Variants in TLN2 observed in about 807,000 individuals in gnomAD.
The protein encoded by TLN2 is talin-2.
TLN2 carries 118 observed loss-of-function variants against 294.7 expected under a neutral mutation model. That is an observed-to-expected ratio of 0.40 (90% CI 0.34 to 0.47). The LOEUF is 0.47. TLN2 is among the 20% of genes least tolerant of loss of function. TLN2 has a pLI of 0.84. For synonymous variants in TLN2, 1,431 were observed against 1,304.5 expected (o/e 1.10, Z -2.09); for missense variants, 3,083 against 3,282.2 (o/e 0.94, Z 1.48).
chr15:62,458,425 G>A (rs1400223195), intron 1 of TLN2, among the ~76,000 whole-genome samples: 1 of 151,996 alleles, frequency 6.6e-6, no homozygotes, highest in East Asian at 1.9e-4. Flanking sequence ...AATGAGAGAT[G>A]GCACATTGAT....
chr15:62,656,281 C>A (rs896443542), intron 8 of TLN2, among the ~76,000 whole-genome samples, 195 bp downstream of exon 8: 1 of 152,164 alleles, frequency 6.6e-6, no homozygotes, highest in Non-Finnish European at 1.5e-5. Flanking sequence ...GCTGACCATC[C>A]GGAGTAGGGC....
At chr15:62,573,804 A>C (rs2044144201) in intron 1 of TLN2, among the ~76,000 whole-genome samples, 3 of 148,258 alleles carry the variant, frequency 2.0e-5, no homozygotes, top group Non-Finnish European at 4.5e-5. Flanking sequence ...CAACAGAAGG[A>C]GCCCTCCCCA....
intron 3 of TLN2, among the ~76,000 whole-genome samples, chr15:62,622,033 G>A (rs1596371436): frequency 6.6e-6 from 1 of 151,780 alleles, no homozygotes; most frequent in Admixed American, 6.6e-5. Flanking sequence ...ATCCTTCCCC[G>A]GCAGTGCCAT....
At chr15:62,811,974 T>C (rs944332170) in intron 52 of TLN2, among the ~76,000 whole-genome samples, 5 of 151,546 alleles carry the variant, frequency 3.3e-5, no homozygotes, top group Non-Finnish European at 7.4e-5. Flanking sequence ...ATCACACCAC[T>C]GCACTCCAGC....
In TLN2 at chr15:62,800,676, GCTCCTCA is replaced by G; in HGVS notation, c.6385_6391del (p.Leu2129ArgfsTer3). On this transcript the variant is annotated frameshift_variant, in exon 50 of 59. Transcript: ENST00000636159. LOFTEE classifies it high-confidence loss of function. Reference sequence around the variant, plus strand: ...AGGTGATGGTGACCAATGTCACCTCGCTCCTCAAGACTGTAAAGGCAGTGGAGGATGA... The same window carrying G: ...AGGTGATGGTGACCAATGTCACCTCGAGACTGTAAAGGCAGTGGAGGATGA... 6.2e-7 allele frequency: 1 copy of G among 1,614,136 alleles called. No individual in the cohort carries two copies. The highest frequency in any genetic ancestry group is 8.5e-7 in the Non-Finnish European group (1 of 1,180,020).
At chr15:62,686,907 C>T in intron 12 of TLN2, 111 bp downstream of exon 12, 2 of 1,412,168 alleles carry the variant, frequency 1.4e-6, no homozygotes, top group Admixed American at 2.2e-5. Context: ...CTGGGAGAGC[C>T]AGCGTGGAGT....
At chr15:62,620,505 T>C (rs2048706593) in intron 3 of TLN2, among the ~76,000 whole-genome samples, 1 of 151,666 alleles carries the variant, frequency 6.6e-6, no homozygotes, top group South Asian at 2.1e-4. Context: ...TTTCTTTCTT[T>C]TTTTTTTCTG....
chr15:62,757,717 C>T (rs1180893520), intron 37 of TLN2, among the ~76,000 whole-genome samples: 8 of 152,054 alleles, frequency 5.3e-5, no homozygotes, highest in Non-Finnish European at 1.0e-4. Context: ...GGAGGAATGT[C>T]GGGGGGTTGT....
chr15:62,686,502 C>G (rs2057303919), intron 11 of TLN2, 139 bp from the exon 12 acceptor site: 1 of 979,710 alleles, frequency 1.0e-6, no homozygotes, highest in Non-Finnish European at 1.4e-6. Context: ...CACCTAGCCT[C>G]AAAATCTTGG....
chr15:62,479,637 C>T (rs1248015786), intron 1 of TLN2, among the ~76,000 whole-genome samples: 1 of 152,218 alleles, frequency 6.6e-6, no homozygotes, highest in East Asian at 1.9e-4. Context: ...GTGGCTTGCA[C>T]CACCACATCT....
At chr15:62,400,399 A>G (rs2032933030) in intron 1 of TLN2, among the ~76,000 whole-genome samples, 1 of 152,246 alleles carries the variant, frequency 6.6e-6, no homozygotes, top group Admixed American at 6.5e-5. Flanking sequence ...AAGCTGGGAA[A>G]AATTAATATT....
At position 62,507,555 on chromosome 15, in the gene TLN2, G is replaced by T. The variant is rs145710652; in HGVS notation, c.-237-82132G>T. ...TGCCTGGGAGGCAGAGCACAGGTGG[G>T]TGGGGGTAAAATGCAGAGTGGGCTT... On this transcript the variant is annotated intron_variant, in intron 1 of 58. Coordinates refer to ENST00000636159, the MANE Select transcript of TLN2 (RefSeq NM_015059.3). Among the ~76,000 whole-genome samples, 446 of 152,372 alleles carry T rather than the reference G, an allele frequency of 2.9e-3. 4 individuals are homozygous for T. Among genetic ancestry groups the T allele is most frequent in the African/African-American group, 0.01 (424 of 41,590 alleles).
At chr15:62,437,676 G>C (rs941345880) in intron 1 of TLN2, among the ~76,000 whole-genome samples, 1 of 152,064 alleles carries the variant, frequency 6.6e-6, no homozygotes, top group Non-Finnish European at 1.5e-5. Context: ...CCTTGCCTCA[G>C]GATACTGATG....
intron 55 of TLN2, chr15:62,834,253 C>G (rs1253403512): frequency 6.6e-6 from 1 of 152,158 alleles, no homozygotes; most frequent in Non-Finnish European, 1.5e-5. Flanking sequence ...TCCGATTTAA[C>G]ATGTTCCATA....
chr15:62,591,711 C>T (rs571872593), intron 2 of TLN2, among the ~76,000 whole-genome samples: 2 of 152,116 alleles, frequency 1.3e-5, no homozygotes, highest in Admixed American at 6.5e-5. Flanking sequence ...AGGGGTGAGG[C>T]GGGTAGAATA....
At chr15:62,770,000 C>G (rs1442415349) in intron 41 of TLN2, among the ~76,000 whole-genome samples, 1 of 152,100 alleles carries the variant, frequency 6.6e-6, no homozygotes, top group Non-Finnish European at 1.5e-5. Context: ...CATCCAAACA[C>G]CAAATGATAA....
At chr15:62,492,135 T>C (rs564899242) in intron 1 of TLN2, among the ~76,000 whole-genome samples, 15 of 152,148 alleles carry the variant, frequency 9.9e-5, no homozygotes, top group African/African-American at 3.4e-4. Context: ...ATAGATAAAT[T>C]AGAAGATTTA....
intron 1 of TLN2, among the ~76,000 whole-genome samples, chr15:62,491,611 T>G (rs2038732115): frequency 6.6e-6 from 1 of 152,166 alleles, no homozygotes; most frequent in African/African-American, 2.4e-5. Flanking sequence ...AAACTCCTTG[T>G]GAGGGAGGTA....
intron 11 of TLN2, among the ~76,000 whole-genome samples, chr15:62,677,310 G>A (rs1206744598): frequency 6.6e-6 from 1 of 152,156 alleles, no homozygotes; most frequent in Non-Finnish European, 1.5e-5. Context: ...AGTCCTTTGA[G>A]TATTAAATTC....
Sources: allele counts gnomAD v4.1 joint callset (sites outside exome capture counted in the v4.1 genomes callset), GRCh38; gene constraint gnomAD v4.1.1; transcripts MANE v1.5; gene names NCBI Gene and HGNC (gene_info 2026-07-23, HGNC 2026-07-21).